The following SEPTIN9 variants were observed in gnomAD, a reference collection of about 807,000 sequenced individuals.
SEPTIN9 encodes the protein septin 9.
In SEPTIN9, 13 loss-of-function variants were observed where a neutral mutation model predicts 56.6. That is an observed-to-expected ratio of 0.23 (90% CI 0.15 to 0.37). The LOEUF is 0.37. Ranked by LOEUF, SEPTIN9 falls within the 10% of genes least tolerant of loss-of-function variation. SEPTIN9 has a pLI of 1.00. For missense variants in SEPTIN9, 650 were observed against 823.1 expected (o/e 0.79, Z 2.57); for synonymous variants, 332 against 334.1 (o/e 0.99, Z 0.07).
chr17:77,326,944 C>T lies in SEPTIN9; in HGVS notation c.76+19747C>T, dbSNP rs569090237. The stretch of plus-strand genomic sequence containing the variant: ...ATGTGGAGGCTCCTGGAGGGTGGAG[C>T]GCCTGGGGAGCACATGGAAGCTCTG... On this transcript the variant is annotated intron_variant, in intron 2 of 11. Coordinates refer to ENST00000427177, the MANE Select transcript of SEPTIN9 (RefSeq NM_001113491.2). The surrounding 1 kb of genome is among the most constrained non-coding windows in gnomAD (Gnocchi z 5.1). Among the ~76,000 whole-genome samples, 2 of 152,176 alleles carry T rather than the reference C, an allele frequency of 1.3e-5. No individual in the cohort carries two copies. Among genetic ancestry groups the T allele is most frequent in the South Asian group, 2.1e-4 (1 of 4,816 alleles).
chr17:77,497,189 C>T, intron 10 of SEPTIN9, 126 bp from the exon 11 acceptor site: 1 of 941,404 alleles, frequency 1.1e-6, no homozygotes. Context: ...CCCCTGCCCT[C>T]CTGCCCATGG....
At chr17:77,482,485 G>A in intron 4 of SEPTIN9, 150 bp downstream of exon 4, 1 of 810,182 alleles carries the variant, frequency 1.2e-6, no homozygotes. Flanking sequence ...GACATTGCGT[G>A]TGCATGCATG....
intron 1 of SEPTIN9, among the ~76,000 whole-genome samples, chr17:77,295,319 A>G (rs2143537047): frequency 6.6e-6 from 1 of 152,046 alleles, no homozygotes; most frequent in South Asian, 2.1e-4. Flanking sequence ...TGCCACCACC[A>G]CCCCTAGGTG....
chr17:77,293,832 A>G (rs2031678995), intron 1 of SEPTIN9, among the ~76,000 whole-genome samples: 1 of 152,090 alleles, frequency 6.6e-6, no homozygotes, highest in Non-Finnish European at 1.5e-5. Flanking sequence ...GGCTGGACAC[A>G]GTGGCTCGTG....
chr17:77,470,427 T>C lies in SEPTIN9; in HGVS notation c.722-11717T>C, dbSNP rs1343673931. 6.7e-5 allele frequency among the ~76,000 whole-genome samples: 9 copies of C among 134,236 alleles called. No individual in the cohort carries two copies. The East Asian group carries it at 2.1e-3, about 32-fold the overall frequency. 88.1% of individuals were successfully genotyped at this position (134,236 alleles called of 152,430 possible). The stretch of plus-strand genomic sequence containing the variant: ...CCACGCATCCACTCACCCATCCATC[T>C]ACCCATCCACTCATCCACCCATCCA... On this transcript the variant is annotated intron_variant, in intron 3 of 11. Transcript: ENST00000427177.
At chr17:77,471,377 C>T (rs1467117988) in intron 3 of SEPTIN9, among the ~76,000 whole-genome samples, 2 of 152,388 alleles carry the variant, frequency 1.3e-5, no homozygotes, top group Admixed American at 1.3e-4. Flanking sequence ...CTGATCTGCA[C>T]AGCAGAAGGG....
At chr17:77,288,786 C>G (rs1299586192) in intron 1 of SEPTIN9, among the ~76,000 whole-genome samples, 1 of 152,186 alleles carries the variant, frequency 6.6e-6, no homozygotes, top group East Asian at 1.9e-4. Flanking sequence ...GCCACAGGGT[C>G]TACAGAGGTG....
intron 3 of SEPTIN9, among the ~76,000 whole-genome samples, chr17:77,455,288 A>T (rs1598401688): frequency 6.6e-6 from 1 of 151,126 alleles, no homozygotes; most frequent in Admixed American, 6.6e-5. Context: ...GCTGACATTG[A>T]CCTCCGGCCT....
chr17:77,323,815 A>AGAGGCCTGGCCTGAC lies in SEPTIN9; in HGVS notation c.76+16620_76+16634dup. On this transcript the variant is annotated intron_variant, in intron 2 of 11. Coordinates refer to ENST00000427177, the MANE Select transcript of SEPTIN9 (RefSeq NM_001113491.2). This position sits in a 1 kb window ranked among gnomAD's most constrained non-coding sequence, Gnocchi z 6.8. The stretch of plus-strand genomic sequence containing the variant: ...GCTCTGCTTTTCCATCTCCGAGGTG[A>AGAGGCCTGGCCTGAC]GAGGCCTGGCCTGACGCGCTCTGCA... 6.6e-6 allele frequency: 1 copy of AGAGGCCTGGCCTGAC among 152,442 alleles called. No individual in the cohort carries two copies. The highest frequency in any genetic ancestry group is 1.5e-5 in the Non-Finnish European group (1 of 68,144). 9.4% of individuals were successfully genotyped at this position (152,442 alleles called of 1,614,324 possible). A position where few individuals can be genotyped will look rare whatever the true frequency, so the allele number is the denominator to read the frequency against.
At chr17:77,374,282 G>T (rs75510078) in intron 2 of SEPTIN9, 4,387 of 152,580 alleles carry the variant, frequency 0.029, 95 homozygotes, top group Non-Finnish European at 0.046. Context: ...TCCTGTCTTC[G>T]GGGTTTACAA....
chr17:77,357,969 C>T (rs866215438), intron 2 of SEPTIN9, among the ~76,000 whole-genome samples: 5 of 152,166 alleles, frequency 3.3e-5, no homozygotes, highest in Admixed American at 6.5e-5. Context: ...GAAACGAGGG[C>T]GTTAAACTGT....
chr17:77,416,581 G>A (rs1246969605), intron 3 of SEPTIN9, among the ~76,000 whole-genome samples: 1 of 152,190 alleles, frequency 6.6e-6, no homozygotes, highest in African/African-American at 2.4e-5. Context: ...GATGCGGTGG[G>A]AGGAAGACCT....
intron 3 of SEPTIN9, among the ~76,000 whole-genome samples, chr17:77,478,545 G>A (rs1314111689): frequency 4.6e-5 from 7 of 152,192 alleles, no homozygotes; most frequent in East Asian, 3.8e-4. Flanking sequence ...GGTGGCTCAC[G>A]CCTGTAATCT....
intron 3 of SEPTIN9, among the ~76,000 whole-genome samples, chr17:77,426,202 G>A (rs1356682692): frequency 6.6e-6 from 1 of 151,978 alleles, no homozygotes; most frequent in African/African-American, 2.4e-5. Flanking sequence ...ACCCCTGCTT[G>A]GGTAGTTGTC....
rs2033317984 is a variant in SEPTIN9, at chr17:77,330,779, GCC to G, written c.76+23583_76+23584del. 3.3e-5 allele frequency among the ~76,000 whole-genome samples: 5 copies of G among 152,252 alleles called. No individual in the cohort carries two copies. Among genetic ancestry groups the G allele is most frequent in the Non-Finnish European group, 7.3e-5 (5 of 68,042 alleles). ...CAGCAGAAGGGAACCCCGGGCCTGGGCCTCTCCATTCTGTGGCGTTGTCTTTC... is the reference window on the plus strand; with the variant it reads ...CAGCAGAAGGGAACCCCGGGCCTGGGTCTCCATTCTGTGGCGTTGTCTTTC... On this transcript the variant is annotated intron_variant, in intron 2 of 11. Coordinates refer to ENST00000427177, the MANE Select transcript of SEPTIN9 (RefSeq NM_001113491.2). This position sits in a 1 kb window ranked among gnomAD's most constrained non-coding sequence, Gnocchi z 4.4.
chr17:77,483,375 A>G, intron 4 of SEPTIN9: 1 of 152,610 alleles, frequency 6.6e-6, no homozygotes, highest in Non-Finnish European at 1.5e-5. Flanking sequence ...CTGTGCTCAC[A>G]GCTGCCTGGA....
At chr17:77,320,465 A>G in intron 2 of SEPTIN9, 1 of 938,934 alleles carries the variant, frequency 1.1e-6, no homozygotes, top group Non-Finnish European at 1.7e-6. Context: ...TCACAGAAAT[A>G]TTTCTTTTCT....
chr17:77,476,719 G>C lies in SEPTIN9; in HGVS notation c.722-5425G>C, dbSNP rs1004575909. Among the ~76,000 whole-genome samples the C allele has an allele frequency of 3.9e-5, 6 of 152,208 alleles. No individual in the cohort carries two copies. Among genetic ancestry groups the C allele is most frequent in the Non-Finnish European group, 7.3e-5 (5 of 68,036 alleles). On this transcript the variant is annotated intron_variant, in intron 3 of 11. Transcript: ENST00000427177. This position sits in a 1 kb window ranked among gnomAD's most constrained non-coding sequence, Gnocchi z 6.0. The stretch of plus-strand genomic sequence containing the variant: ...CAGAATGGGAACCTGCAGAGAAACT[G>C]TCAAGGTCTCCCGCCACCTGACACC...
intron 2 of SEPTIN9, among the ~76,000 whole-genome samples, chr17:77,321,655 T>C (rs2032937464): frequency 6.6e-6 from 1 of 152,182 alleles, no homozygotes; most frequent in African/African-American, 2.4e-5. Flanking sequence ...CCCAAAGTGC[T>C]GGGATTACAG....
Sources: gnomAD v4.1 joint callset for allele counts (sites outside exome capture counted in the v4.1 genomes callset) on GRCh38, gnomAD v4.1.1 for gene constraint, Gnocchi (gnomAD v3.1) non-coding constraint, MANE v1.5 for transcripts, NCBI Gene and HGNC (gene_info 2026-07-23, HGNC 2026-07-21) for gene names.